ECE1: variants seen among roughly 807,000 people sequenced by gnomAD.
The protein encoded by ECE1 is endothelin converting enzyme 1, also known as endothelin-converting enzyme 1.
ECE1 carries 35 observed loss-of-function variants against 98.6 expected under a neutral mutation model. The observed-to-expected ratio is 0.35, with a 90% CI of 0.27 to 0.47. The LOEUF (loss-of-function observed/expected upper bound fraction) is 0.47. ECE1 is among the 20% of genes least tolerant of loss of function. The pLI, the probability that ECE1 is intolerant of heterozygous loss-of-function variation, is 1.00. For synonymous variants in ECE1, 394 were observed against 407.1 expected, an observed-to-expected ratio of 0.97 and a Z score of 0.39; for missense variants, 814 against 1,025.3, an observed-to-expected ratio of 0.79 and a Z score of 2.81.
chr1:21,227,078 A>C, intron 16 of ECE1, 81 bp downstream of exon 16: 1 of 1,474,918 alleles, frequency 6.8e-7, no homozygotes, highest in Non-Finnish European at 9.4e-7. Context: ...GGCTGGTCTC[A>C]AACTCCTGCC....
intron 8 of ECE1, among the ~76,000 whole-genome samples, chr1:21,251,493 C>A (rs932617063): frequency 1.3e-5 from 2 of 152,220 alleles, no homozygotes; most frequent in Non-Finnish European, 2.9e-5. Flanking sequence ...CCAGCCTGGG[C>A]AACAGGGCGA....
rs143285040 is a variant in ECE1, at chr1:21,337,314, T to C, written c.3+8062A>G. 6.9e-3 allele frequency among the ~76,000 whole-genome samples: 1,047 copies of C among 152,180 alleles called. 17 individuals are homozygous for C. The highest frequency in any genetic ancestry group is 0.023 in the African/African-American group (965 of 41,514). ...TCAAACATTCCTTGCTGTCCAAAGC[T>C]GAAGAAAACCAGGCACAAAAGAGCA... On this transcript the variant is annotated intron_variant, in intron 1 of 18. Transcript: ENST00000415912.
intron 1 of ECE1, among the ~76,000 whole-genome samples, chr1:21,339,073 G>A (rs1639353560): frequency 6.6e-6 from 1 of 152,044 alleles, no homozygotes; most frequent in African/African-American, 2.4e-5. Context: ...CCAGGCCAGG[G>A]GACCAGGTGG....
intron 12 of ECE1, among the ~76,000 whole-genome samples, chr1:21,236,169 G>C (rs1054446265): frequency 6.6e-6 from 1 of 152,254 alleles, no homozygotes; most frequent in Admixed American, 6.5e-5. Context: ...TCCCACTGGA[G>C]GGTGCCAGAG....
At chr1:21,328,227 C>T (rs1374495387) in intron 1 of ECE1, among the ~76,000 whole-genome samples, 1 of 152,216 alleles carries the variant, frequency 6.6e-6, no homozygotes, top group East Asian at 1.9e-4. Flanking sequence ...TTCTCAAATC[C>T]TTCTTCCTCA....
intron 3 of ECE1, among the ~76,000 whole-genome samples, chr1:21,274,713 AGATGG>A (rs2098244439): frequency 6.6e-6 from 1 of 152,242 alleles, no homozygotes; most frequent in Non-Finnish European, 1.5e-5. Context: ...ATAGTCCTTC[AGATGG>A]GTGGCTGACA....
rs1558373810 is a variant in ECE1 at position 21,235,127 on chromosome 1, G to A, written c.1566+723C>T. Among the ~76,000 whole-genome samples, 1 of 152,164 alleles carries A rather than the reference G, an allele frequency of 6.6e-6. No individual in the cohort carries two copies. Among genetic ancestry groups the A allele is most frequent in the Non-Finnish European group, 1.5e-5 (1 of 68,016 alleles). On this transcript the variant is annotated intron_variant, in intron 13 of 18. Coordinates refer to ENST00000374893, the MANE Select transcript of ECE1 (RefSeq NM_001397.3). This position sits in a 1 kb window ranked among gnomAD's most constrained non-coding sequence, Gnocchi z 4.2. ...ATAGCACCACTACACTCCAGTCTGG[G>A]CAACAGAATGAGACCCTGTCTCAAA... is the stretch of plus-strand genomic sequence containing the variant.
intron 15 of ECE1, 48 bp from the exon 16 acceptor site, chr1:21,227,274 C>T (rs773133088): frequency 6.4e-7 from 1 of 1,570,958 alleles, no homozygotes; most frequent in Non-Finnish European, 8.8e-7. Flanking sequence ...AGAGGAGGGC[C>T]TCTCACTCTT....
At chr1:21,324,348 G>A (rs1639030256) in intron 1 of ECE1, among the ~76,000 whole-genome samples, 1 of 152,198 alleles carries the variant, frequency 6.6e-6, no homozygotes, top group African/African-American at 2.4e-5. Context: ...GGGGGCAGAG[G>A]CCCATCCCCA....
upstream of ECE1, among the ~76,000 whole-genome samples, chr1:21,292,813 CAGGG>C (rs1638241108): frequency 6.6e-6 from 1 of 152,214 alleles, no homozygotes; most frequent in Admixed American, 6.5e-5. Context: ...CCTGGGGAGG[CAGGG>C]TGCATGGGAA....
chr1:21,251,764 C>A (rs1294621394), intron 8 of ECE1, among the ~76,000 whole-genome samples: 1 of 152,162 alleles, frequency 6.6e-6, no homozygotes, highest in Admixed American at 6.5e-5. Context: ...GGACCTCCAG[C>A]CTTTTTCCGT....
At chr1:21,247,012 C>T (rs763295945) in intron 9 of ECE1, among the ~76,000 whole-genome samples, 48 of 152,316 alleles carry the variant, frequency 3.2e-4, no homozygotes, top group Non-Finnish European at 5.3e-4. Context: ...AGAAAGGTTA[C>T]GAAATTTGCC....
chr1:21,290,583 G>T, upstream of ECE1: 1 of 1,196,646 alleles, frequency 8.4e-7, no homozygotes, highest in Admixed American at 4.4e-5. This position sits in a 1 kb window ranked among gnomAD's most constrained non-coding sequence, Gnocchi z 7.3. Context: ...GGGGGAGATG[G>T]GGACCCCTCC....
At chr1:21,318,846 G>T (rs1638895943) in intron 1 of ECE1, among the ~76,000 whole-genome samples, 1 of 149,600 alleles carries the variant, frequency 6.7e-6, no homozygotes, top group African/African-American at 2.4e-5. Flanking sequence ...CCCAGAGGCC[G>T]CACTTCTGTC....
At chr1:21,335,168 C>T (rs1379788301) in intron 1 of ECE1, among the ~76,000 whole-genome samples, 1 of 152,082 alleles carries the variant, frequency 6.6e-6, no homozygotes, top group African/African-American at 2.4e-5. Context: ...ACTCTCATCT[C>T]CCCCGCCCCC....
intron 1 of ECE1, among the ~76,000 whole-genome samples, chr1:21,301,265 C>A (rs1387340393): frequency 6.6e-6 from 1 of 151,454 alleles, no homozygotes. Context: ...GAGGCCGAGG[C>A]GGGCGGATCA....
intron 1 of ECE1, among the ~76,000 whole-genome samples, chr1:21,313,132 C>A (rs3026838): frequency 0.073 from 11,189 of 152,234 alleles, 566 homozygotes; most frequent in Non-Finnish European, 0.11. Flanking sequence ...CCCTCCTGGA[C>A]TCTGATGCCT....
chr1:21,325,035 T>C (rs1467476939), intron 1 of ECE1, among the ~76,000 whole-genome samples: 2 of 152,224 alleles, frequency 1.3e-5, no homozygotes, highest in African/African-American at 2.4e-5. Context: ...ACACATGTTT[T>C]GTTGTGGGTT....
rs879935757 is a variant in ECE1 at position 21,233,279 on chromosome 1, G to A, written c.1670+279C>T. 3.1e-5 allele frequency: 12 copies of A among 391,142 alleles called. No homozygotes were observed. The highest frequency in any genetic ancestry group is 3.8e-5 in the Admixed American group (1 of 26,220). The allele number at this position is 391,142 out of a possible 1,614,324, so 24.2% of individuals were successfully genotyped here. On this transcript the variant is annotated intron_variant, in intron 14 of 18. Transcript: ENST00000374893. This position sits in a 1 kb window ranked among gnomAD's most constrained non-coding sequence, Gnocchi z 4.0. ...GCTCCAAATCCCAAAGCAGTGGAGC[G>A]GAGACAAGGTGCCAGATCGGCTCCG... is the stretch of plus-strand genomic sequence containing the variant.
Sources: allele counts gnomAD v4.1 joint callset (sites outside exome capture counted in the v4.1 genomes callset), GRCh38; gene constraint gnomAD v4.1.1; non-coding constraint Gnocchi (gnomAD v3.1); transcripts MANE v1.5; gene names NCBI Gene and HGNC (gene_info 2026-07-23, HGNC 2026-07-21).